Variants in NEGR1 observed in about 807,000 individuals in gnomAD.
The protein encoded by NEGR1 is neuronal growth regulator 1, also known as IgLON family member 4.
A neutral mutation model predicts 40.9 loss-of-function variants in NEGR1; 10 were observed. That is an observed-to-expected ratio of 0.24 (90% confidence interval 0.15 to 0.42). NEGR1 has a LOEUF of 0.42. Ranked by LOEUF, NEGR1 falls within the 10% of genes least tolerant of loss-of-function variation. The pLI is 1.00. For missense variants in NEGR1, 352 were observed against 438.9 expected (o/e 0.80, Z 1.77); for synonymous variants, 185 against 166.8 (o/e 1.11, Z -0.84).
At chr1:71,811,858 A>ATTCATTTTAT (rs1658012552) in intron 2 of NEGR1, among the ~76,000 whole-genome samples, 2 of 137,498 alleles carry the variant, frequency 1.5e-5, no homozygotes, top group African/African-American at 5.6e-5. Flanking sequence ...AGTTCTATTT[A>ATTCATTTTAT]TTTATTTTAT....
chr1:71,975,409 T>A (rs942526751), intron 1 of NEGR1, among the ~76,000 whole-genome samples: 1 of 152,198 alleles, frequency 6.6e-6, no homozygotes, highest in Admixed American at 6.5e-5. Context: ...GAAGTACAGA[T>A]AATTAGATTA....
intron 2 of NEGR1, among the ~76,000 whole-genome samples, chr1:71,865,398 C>T (rs535228660): frequency 4.3e-4 from 65 of 152,036 alleles, no homozygotes; most frequent in African/African-American, 1.3e-3. Context: ...TGGAATACTA[C>T]GCAGTCATAA....
At chr1:71,576,008 T>C (rs1391972359) in intron 6 of NEGR1, among the ~76,000 whole-genome samples, 1 of 152,112 alleles carries the variant, frequency 6.6e-6, no homozygotes, top group African/African-American at 2.4e-5. Context: ...AAATGGGCCA[T>C]GCAAGCTGCT....
intron 1 of NEGR1, among the ~76,000 whole-genome samples, chr1:72,036,357 C>T (rs995714503): frequency 6.6e-6 from 1 of 151,832 alleles, no homozygotes; most frequent in Admixed American, 6.6e-5. Context: ...TACAAAGGTA[C>T]AATTAAAAGC....
chr1:72,091,463 C>T (rs1054879775), intron 1 of NEGR1, among the ~76,000 whole-genome samples: 1 of 148,374 alleles, frequency 6.7e-6, no homozygotes, highest in African/African-American at 2.5e-5. Context: ...CTAACTCCCT[C>T]CCTCCCTTCC....
chr1:72,030,120 C>T (rs537105967), intron 1 of NEGR1, among the ~76,000 whole-genome samples: 1 of 151,690 alleles, frequency 6.6e-6, no homozygotes, highest in Non-Finnish European at 1.5e-5. Flanking sequence ...AACCAATGTT[C>T]TCTGGTGCTC....
At chr1:71,919,496 CT>C (rs79222767) in intron 2 of NEGR1, among the ~76,000 whole-genome samples, 738 of 139,426 alleles carry the variant, frequency 5.3e-3, no homozygotes, top group Middle Eastern at 7.6e-3. Flanking sequence ...CTATCTTAAC[CT>C]TTTTTTTTTT....
chr1:71,781,615 A>G (rs1291308131), intron 2 of NEGR1, among the ~76,000 whole-genome samples: 2 of 152,172 alleles, frequency 1.3e-5, no homozygotes, highest in African/African-American at 4.8e-5. Context: ...CAGATTACTG[A>G]AAAACATCAG....
intron 1 of NEGR1, among the ~76,000 whole-genome samples, chr1:72,072,742 TC>T (rs60934446): frequency 0.44 from 66,046 of 151,764 alleles, 14,862 homozygotes; most frequent in Admixed American, 0.5. Context: ...TTCTCAGCAC[TC>T]CCTGTCCTTC....
chr1:71,654,336 G>T (rs1349979281), intron 4 of NEGR1, among the ~76,000 whole-genome samples: 1 of 152,044 alleles, frequency 6.6e-6, no homozygotes, highest in African/African-American at 2.4e-5. Flanking sequence ...CCTAATACTT[G>T]ATTAATATTA....
intron 6 of NEGR1, among the ~76,000 whole-genome samples, chr1:71,582,127 CA>C (rs1158055845): frequency 1.3e-5 from 2 of 151,620 alleles, no homozygotes; most frequent in African/African-American, 4.9e-5. Context: ...GCAAGGTATA[CA>C]ATTGATTTTT....
intron 4 of NEGR1, among the ~76,000 whole-genome samples, chr1:71,675,126 T>TATATATATATAC (rs145354058): frequency 5.7e-4 from 44 of 77,824 alleles, no homozygotes; most frequent in African/African-American, 1.7e-3. Context: ...TATATATATA[T>TATATATATATAC]ACACACACAC....
intron 4 of NEGR1, among the ~76,000 whole-genome samples, chr1:71,680,358 C>T (rs1178484008): frequency 2.6e-5 from 4 of 151,986 alleles, no homozygotes; most frequent in Admixed American, 2.6e-4. Flanking sequence ...TTATTTTTAG[C>T]AATTTTTCCA....
chr1:71,675,134 C>T (rs1411132956), intron 4 of NEGR1, among the ~76,000 whole-genome samples: 302 of 6,412 alleles, frequency 0.047, no homozygotes, highest in East Asian at 0.1. Flanking sequence ...TATACACACA[C>T]ACATATGAAT....
chr1:71,649,460 C>T (rs1003499683), intron 4 of NEGR1, among the ~76,000 whole-genome samples: 1 of 152,044 alleles, frequency 6.6e-6, no homozygotes, highest in South Asian at 2.1e-4. Context: ...CAATAAAATG[C>T]TGTTTTAAAT....
intron 2 of NEGR1, among the ~76,000 whole-genome samples, chr1:71,849,206 T>G (rs1659522719): frequency 6.6e-6 from 1 of 152,232 alleles, no homozygotes; most frequent in Non-Finnish European, 1.5e-5. Flanking sequence ...TTCACCATTT[T>G]AGATGTCATT....
intron 2 of NEGR1, among the ~76,000 whole-genome samples, chr1:71,780,823 T>G (rs1018278083): frequency 1.3e-5 from 2 of 152,210 alleles, no homozygotes; most frequent in African/African-American, 4.8e-5. Flanking sequence ...TTAGTTTCAC[T>G]TTCACCAAAA....
intron 1 of NEGR1, among the ~76,000 whole-genome samples, chr1:72,167,874 T>C (rs1262261662): frequency 6.6e-6 from 1 of 152,012 alleles, no homozygotes; most frequent in Non-Finnish European, 1.5e-5. Flanking sequence ...TTTATTAGTT[T>C]ATAAAACTCA....
intron 1 of NEGR1, among the ~76,000 whole-genome samples, chr1:71,952,975 G>T (rs1276838587): frequency 2.1e-5 from 3 of 144,934 alleles, no homozygotes; most frequent in Non-Finnish European, 4.6e-5. Context: ...AAAAAAAAAG[G>T]TTCTTTTCAA....
Sources: allele counts gnomAD v4.1 joint callset (sites outside exome capture counted in the v4.1 genomes callset), GRCh38; gene constraint gnomAD v4.1.1; transcripts MANE v1.5; gene names NCBI Gene and HGNC (gene_info 2026-07-23, HGNC 2026-07-21).